The following RAP1GDS1 variants were observed in gnomAD, a reference collection of about 807,000 sequenced individuals.
The protein encoded by RAP1GDS1 is Rap1 GTPase-GDP dissociation stimulator 1, also known as RAP1, GTP-GDP dissociation stimulator 1.
Under a neutral mutation model 71.1 loss-of-function variants are expected in RAP1GDS1, and 35 were observed. That is an observed-to-expected ratio of 0.49 (90% CI 0.38 to 0.65). RAP1GDS1 has a LOEUF of 0.65. Ranked by LOEUF, RAP1GDS1 falls within the 30% of genes least tolerant of loss-of-function variation. RAP1GDS1 has a pLI of 0.00. For missense variants in RAP1GDS1, 663 were observed against 706.1 expected, an observed-to-expected ratio of 0.94 and a Z score of 0.69; for synonymous variants, 229 against 243.1, an observed-to-expected ratio of 0.94 and a Z score of 0.54.
chr4:98,350,896 C>T (rs1737086579), intron 3 of RAP1GDS1, among the ~76,000 whole-genome samples: 1 of 152,124 alleles, frequency 6.6e-6, no homozygotes, highest in South Asian at 2.1e-4. Context: ...GTAGCTCCAG[C>T]TATGCAGGAG....
chr4:98,270,249 A>G (rs1344529528), intron 1 of RAP1GDS1, among the ~76,000 whole-genome samples: 4 of 152,164 alleles, frequency 2.6e-5, no homozygotes, highest in Non-Finnish European at 5.9e-5. Context: ...TTAAGTTTCA[A>G]CATGAGTTTT....
Position 98,421,413 on chromosome 4 carries a change from T to C in RAP1GDS1, c.1440+19T>C, listed in dbSNP as rs750672208. On this transcript the variant is annotated intron_variant, in intron 12 of 14. Coordinates refer to ENST00000408927, the MANE Select transcript of RAP1GDS1 (RefSeq NM_001100427.2). ...ATCAAAAGTAAGTTCCAGAGGAAAC[T>C]GTTCACTAGAAAACTTCAGAGTGTC... The C allele has an allele frequency of 9.5e-6, 15 of 1,571,570 alleles. No individual in the cohort carries two copies. The highest frequency in any genetic ancestry group is 1.2e-5 in the Non-Finnish European group (14 of 1,159,908).
intron 12 of RAP1GDS1, among the ~76,000 whole-genome samples, chr4:98,425,712 T>C (rs1749516425): frequency 6.6e-6 from 1 of 152,086 alleles, no homozygotes. Context: ...ACACTGGAGC[T>C]TCCAAATTTA....
intron 5 of RAP1GDS1, among the ~76,000 whole-genome samples, chr4:98,382,489 T>C (rs1042049082): frequency 2.0e-5 from 3 of 151,552 alleles, no homozygotes; most frequent in African/African-American, 4.8e-5. Context: ...AGGGAATGTG[T>C]TGAACTTGCT....
intron 2 of RAP1GDS1, among the ~76,000 whole-genome samples, chr4:98,303,637 T>TATAAC (rs1391910505): frequency 6.9e-5 from 10 of 145,836 alleles, no homozygotes; most frequent in Non-Finnish European, 7.5e-5. Flanking sequence ...AATAATATAA[T>TATAAC]ATAATATAAT....
At chr4:98,372,013 AGTT>A (rs1280367907) in intron 4 of RAP1GDS1, among the ~76,000 whole-genome samples, 1 of 151,880 alleles carries the variant, frequency 6.6e-6, no homozygotes, top group Non-Finnish European at 1.5e-5. Context: ...CCATCTTCCT[AGTT>A]GTTTCTTTTT....
At chr4:98,343,288 G>T in intron 3 of RAP1GDS1, 27 bp downstream of exon 3, 1 of 1,563,656 alleles carries the variant, frequency 6.4e-7, no homozygotes, top group Non-Finnish European at 8.8e-7. Flanking sequence ...GAACTTTTCT[G>T]CTGGGAACGT....
At chr4:98,382,637 G>A (rs1247368186) in intron 5 of RAP1GDS1, among the ~76,000 whole-genome samples, 1 of 151,506 alleles carries the variant, frequency 6.6e-6, no homozygotes, top group African/African-American at 2.4e-5. Flanking sequence ...AAACATTGCA[G>A]TGATGACTGA....
At chr4:98,271,198 CTT>C (rs1723410796) in intron 1 of RAP1GDS1, among the ~76,000 whole-genome samples, 1 of 152,070 alleles carries the variant, frequency 6.6e-6, no homozygotes, top group Non-Finnish European at 1.5e-5. Context: ...CACAAAATGA[CTT>C]TAGGTACTTA....
In RAP1GDS1 at chr4:98,421,772, G is replaced by A. The variant is rs567492175; in HGVS notation, c.1440+378G>A. 1.7e-3 allele frequency among the ~76,000 whole-genome samples: 259 copies of A among 152,270 alleles called. 1 individual carries two copies. The highest frequency in any genetic ancestry group is 5.7e-3 in the African/African-American group (238 of 41,556). ...ATCCATTCTTGTGGCTGGCTGTGCC[G>A]CTGTCTGGCACATGGTAGATAACCA... is the stretch of plus-strand genomic sequence containing the variant. On this transcript the variant is annotated intron_variant, in intron 12 of 14. Transcript: ENST00000408927.
At chr4:98,434,304 C>T (rs1750853703) in intron 13 of RAP1GDS1, among the ~76,000 whole-genome samples, 2 of 152,166 alleles carry the variant, frequency 1.3e-5, no homozygotes, top group South Asian at 4.1e-4. Context: ...AATAATGTCT[C>T]AAGTTACAGC....
chr4:98,297,456 G>C (rs1360983833), intron 2 of RAP1GDS1, among the ~76,000 whole-genome samples: 6 of 152,074 alleles, frequency 3.9e-5, no homozygotes, highest in Non-Finnish European at 8.8e-5. Context: ...CCAACACCTT[G>C]TGCTTACTTT....
At chr4:98,303,667 T>TATAATATAATATAA (rs397696253) in intron 2 of RAP1GDS1, among the ~76,000 whole-genome samples, 1 of 148,594 alleles carries the variant, frequency 6.7e-6, no homozygotes, top group African/African-American at 2.5e-5. Context: ...TATAATATAA[T>TATAATATAATATAA]TGGGGTATTC....
At chr4:98,408,104 A>T (rs55676421) in intron 7 of RAP1GDS1, among the ~76,000 whole-genome samples, 15,896 of 137,350 alleles carry the variant, frequency 0.12, 882 homozygotes, top group South Asian at 0.22. Context: ...ATATATATAT[A>T]TTTTTTTTTT....
At chr4:98,273,976 A>G (rs746714442) in intron 1 of RAP1GDS1, among the ~76,000 whole-genome samples, 1 of 152,200 alleles carries the variant, frequency 6.6e-6, no homozygotes, top group Non-Finnish European at 1.5e-5. Context: ...TGAACTTGCA[A>G]AATATATCTA....
At chr4:98,397,168 A>G (rs1257176654) in intron 6 of RAP1GDS1, among the ~76,000 whole-genome samples, 2 of 152,214 alleles carry the variant, frequency 1.3e-5, no homozygotes, top group African/African-American at 4.8e-5. Flanking sequence ...ACTCTTTAAT[A>G]TAACCATGGA....
chr4:98,391,850 T>C (rs2110127588), intron 5 of RAP1GDS1, 102 bp from the exon 6 acceptor site: 2 of 1,129,376 alleles, frequency 1.8e-6, no homozygotes, highest in Middle Eastern at 3.0e-4. Context: ...TAAATAACTT[T>C]GAGTTTCCAA....
intron 1 of RAP1GDS1, among the ~76,000 whole-genome samples, chr4:98,283,490 A>T (rs544104006): frequency 6.6e-6 from 1 of 152,222 alleles, no homozygotes; most frequent in African/African-American, 2.4e-5. Flanking sequence ...TAGTGCAAGT[A>T]GTCATATTTC....
intron 2 of RAP1GDS1, among the ~76,000 whole-genome samples, chr4:98,315,771 A>G (rs79477524): frequency 1.1e-3 from 161 of 152,294 alleles, no homozygotes; most frequent in African/African-American, 3.6e-3. Context: ...TGGTGTTTTA[A>G]AAAGATCAGT....
Sources: allele counts gnomAD v4.1 joint callset (sites outside exome capture counted in the v4.1 genomes callset), GRCh38; gene constraint gnomAD v4.1.1; transcripts MANE v1.5; gene names NCBI Gene and HGNC (gene_info 2026-07-23, HGNC 2026-07-21).